RGS17: variants seen among roughly 807,000 people sequenced by gnomAD.
RGS17 encodes regulator of G protein signaling 17, also known as regulator of G-protein signaling 17.
In RGS17, 12 loss-of-function variants were observed where a neutral mutation model predicts 25.5. The ratio of observed to expected loss-of-function variants is 0.47; its 90% confidence interval spans 0.30 to 0.76. The LOEUF (loss-of-function observed/expected upper bound fraction) is 0.76. Ranked by LOEUF, RGS17 falls within the 30% of genes least tolerant of loss-of-function variation. The pLI is 0.07. For missense variants in RGS17, 196 were observed against 242.2 expected (o/e 0.81, Z 1.27); for synonymous variants, 71 against 76.9 (o/e 0.92, Z 0.40).
At chr6:153,018,019 T>C (rs1041723396) in intron 4 of RGS17, among the ~76,000 whole-genome samples, 15 of 152,358 alleles carry the variant, frequency 9.8e-5, no homozygotes, top group Admixed American at 3.3e-4. Flanking sequence ...TTGTGCTTGT[T>C]ATTTCTCCTG....
intron 1 of RGS17, among the ~76,000 whole-genome samples, chr6:153,091,998 G>C (rs932052413): frequency 6.6e-6 from 1 of 151,990 alleles, no homozygotes; most frequent in Admixed American, 6.6e-5. Context: ...CCACCTTTGG[G>C]AAAACTAGTA....
chr6:153,023,485 G>A lies in RGS17; in HGVS notation c.444+777C>T, dbSNP rs1779267396. The stretch of plus-strand genomic sequence containing the variant: ...ATTATTAACCACTCTTTCACCAAAT[G>A]CTTTTAACTCTGTTAGCTGGAACAT... On this transcript the variant is annotated intron_variant, in intron 4 of 4. Coordinates refer to ENST00000206262, the MANE Select transcript of RGS17 (RefSeq NM_012419.5). 3 of 343,690 alleles carry A rather than the reference G, an allele frequency of 8.7e-6. No individual in the cohort carries two copies. The Admixed American group carries it at 8.9e-5, about 10-fold the overall frequency. 21.3% of individuals were successfully genotyped at this position (343,690 alleles called of 1,614,324 possible).
At chr6:153,110,213 TCTC>T in intron 1 of RGS17, among the ~76,000 whole-genome samples, 1 of 152,238 alleles carries the variant, frequency 6.6e-6, no homozygotes, top group Middle Eastern at 3.4e-3. Flanking sequence ...TAGTTACTCT[TCTC>T]CTCTCCGTAG....
rs1213721491 is a variant in RGS17, at chr6:153,089,801, A to AT, written c.-26+41322dup. On this transcript the variant is annotated intron_variant, in intron 1 of 4. Transcript: ENST00000206262. ...AAACACCTATACCTGTATATGTAATATAAGTATATATAATTTTAAAAATTA... is the reference window on the plus strand; with the variant it reads ...AAACACCTATACCTGTATATGTAATATTAAGTATATATAATTTTAAAAATTA... Among the ~76,000 whole-genome samples, 10 of 152,326 alleles carry AT rather than the reference A, an allele frequency of 6.6e-5. No individual in the cohort carries two copies. In the East Asian group the frequency reaches 1.9e-3, roughly 29 times the overall value.
chr6:153,062,237 A>G (rs1584139880), intron 1 of RGS17, among the ~76,000 whole-genome samples: 1 of 152,296 alleles, frequency 6.6e-6, no homozygotes, highest in East Asian at 1.9e-4. Context: ...AGAGGTAGAG[A>G]GAAACAGACT....
intron 1 of RGS17, among the ~76,000 whole-genome samples, chr6:153,070,685 GT>G (rs1776777926): frequency 8.6e-6 from 1 of 116,502 alleles, no homozygotes. Flanking sequence ...GTGTGTGTGT[GT>G]GTGTGTGTGT....
intron 1 of RGS17, among the ~76,000 whole-genome samples, chr6:153,129,473 C>T (rs1283008949): frequency 6.6e-6 from 1 of 152,210 alleles, no homozygotes. Flanking sequence ...TTCGTACACG[C>T]AGCGTCTGGC....
At chr6:153,060,693 G>A (rs567998958) in intron 1 of RGS17, among the ~76,000 whole-genome samples, 1 of 150,972 alleles carries the variant, frequency 6.6e-6, no homozygotes, top group South Asian at 2.1e-4. Context: ...CAGGAGAAAT[G>A]TCTCTACTAA....
At chr6:153,093,999 G>A (rs866694187) in intron 1 of RGS17, among the ~76,000 whole-genome samples, 2 of 151,928 alleles carry the variant, frequency 1.3e-5, no homozygotes, top group African/African-American at 4.8e-5. Context: ...ATATAAATAC[G>A]ATTATGTAAT....
intron 1 of RGS17, among the ~76,000 whole-genome samples, chr6:153,129,448 C>G (rs898852201): frequency 6.6e-6 from 1 of 152,162 alleles, no homozygotes; most frequent in Non-Finnish European, 1.5e-5. Flanking sequence ...AAATGTTTCA[C>G]GGTTTGCAAA....
chr6:153,063,212 G>C (rs1025786382), intron 1 of RGS17, among the ~76,000 whole-genome samples: 3 of 152,002 alleles, frequency 2.0e-5, no homozygotes, highest in African/African-American at 7.2e-5. Context: ...AGGAAAAAAA[G>C]GACCTCACCA....
At chr6:153,116,604 AC>A (rs567227816) in intron 1 of RGS17, among the ~76,000 whole-genome samples, 77 of 152,198 alleles carry the variant, frequency 5.1e-4, no homozygotes, top group Non-Finnish European at 9.6e-4. Context: ...AAATCATTTT[AC>A]TATAAAGACA....
At chr6:153,050,572 TC>T (rs1776448462) in intron 1 of RGS17, among the ~76,000 whole-genome samples, 1 of 152,180 alleles carries the variant, frequency 6.6e-6, no homozygotes, top group African/African-American at 2.4e-5. Flanking sequence ...TCATACAATA[TC>T]AATTTTGGAA....
Position 153,115,619 on chromosome 6 carries a change from C to G in RGS17, c.-26+15505G>C, listed in dbSNP as rs750461039. The stretch of plus-strand genomic sequence containing the variant: ...CAAAAAAGAGCCCGTATAGCCAAGA[C>G]AATCCTAAGCAAAAAGAACAAAGCT... On this transcript the variant is annotated intron_variant, in intron 1 of 4. Transcript: ENST00000206262. 1.6e-3 allele frequency among the ~76,000 whole-genome samples: 237 copies of G among 152,264 alleles called. 1 individual carries two copies. In the Middle Eastern group the frequency reaches 0.02, roughly 13 times the overall value.
intron 1 of RGS17, among the ~76,000 whole-genome samples, chr6:153,069,808 A>C (rs1007083360): frequency 6.6e-6 from 1 of 151,790 alleles, no homozygotes; most frequent in Non-Finnish European, 1.5e-5. Context: ...AAACTAAAAA[A>C]AAATTGTTGG....
intron 1 of RGS17, among the ~76,000 whole-genome samples, chr6:153,054,971 G>C (rs1776533708): frequency 6.6e-6 from 1 of 152,124 alleles, no homozygotes; most frequent in Non-Finnish European, 1.5e-5. Flanking sequence ...CTAAACTTCT[G>C]GACCGCCCAG....
intron 1 of RGS17, among the ~76,000 whole-genome samples, chr6:153,084,480 C>A (rs1025565600): frequency 6.6e-6 from 1 of 151,954 alleles, no homozygotes. Flanking sequence ...TGATTGAAGG[C>A]GGGTGAGGGA....
intron 2 of RGS17, among the ~76,000 whole-genome samples, chr6:153,034,375 A>T (rs191189509): frequency 2.2e-4 from 34 of 152,320 alleles, no homozygotes; most frequent in Admixed American, 1.8e-3. Context: ...GGAAGCGCGA[A>T]GTGATACAGA....
chr6:153,014,018 A>G (rs1779158794), intron 4 of RGS17, among the ~76,000 whole-genome samples: 1 of 152,262 alleles, frequency 6.6e-6, no homozygotes. Flanking sequence ...GGTTTTCAGT[A>G]TAGACAAAAC....
Sources: gnomAD v4.1 joint callset for allele counts (sites outside exome capture counted in the v4.1 genomes callset) on GRCh38, gnomAD v4.1.1 for gene constraint, MANE v1.5 for transcripts, NCBI Gene and HGNC (gene_info 2026-07-23, HGNC 2026-07-21) for gene names.